RFFL: variants seen among roughly 807,000 people sequenced by gnomAD.
RFFL encodes the protein ring finger and FYVE like domain containing E3 ubiquitin protein ligase, also known as E3 ubiquitin-protein ligase rififylin.
Under a neutral mutation model 40.4 loss-of-function variants are expected in RFFL, and 16 were observed. The observed-to-expected ratio is 0.40, with a 90% confidence interval of 0.27 to 0.60. The LOEUF (loss-of-function observed/expected upper bound fraction) is 0.60, where lower values mean the gene tolerates loss of function less well. Among genes scored for constraint, RFFL ranks in the 20% least tolerant of loss-of-function variants. The pLI, the probability that RFFL is intolerant of heterozygous loss-of-function variation, is 0.47. For missense variants in RFFL, 367 were observed against 451.7 expected (o/e 0.81, Z 1.70); for synonymous variants, 154 against 167.9 (o/e 0.92, Z 0.64).
intron 2 of RFFL, among the ~76,000 whole-genome samples, chr17:35,023,763 T>C (rs2091024040): frequency 6.6e-6 from 1 of 152,206 alleles, no homozygotes; most frequent in Admixed American, 6.5e-5. Flanking sequence ...CAACTCTCTA[T>C]TCTTTCTTCA....
At chr17:35,032,094 CAAAAAAAAAAAA>C (rs11308568) in intron 1 of RFFL, among the ~76,000 whole-genome samples, 8 of 82,170 alleles carry the variant, frequency 9.7e-5, no homozygotes, top group Admixed American at 8.5e-4. Flanking sequence ...GACTCCGTCT[CAAAAAAAAAAAA>C]AAAAAGAAAA....
chr17:35,073,158 T>G (rs2091359702), intron 1 of RFFL, among the ~76,000 whole-genome samples: 1 of 152,216 alleles, frequency 6.6e-6, no homozygotes, highest in Non-Finnish European at 1.5e-5. Context: ...GTCTCTACTA[T>G]GCAGGAGAGA....
rs182833907 is a variant in RFFL at position 35,029,427 on chromosome 17, G to A, written c.-8-2866C>T. Among the ~76,000 whole-genome samples, 15 of 141,048 alleles carry A rather than the reference G, an allele frequency of 1.1e-4. No individual in the cohort carries two copies. The East Asian group carries it at 2.2e-3, about 21-fold the overall frequency. The allele number at this position is 141,048 out of a possible 152,430, so 92.5% of individuals were successfully genotyped here. On this transcript the variant is annotated intron_variant, in intron 1 of 6. Coordinates refer to ENST00000394597, the MANE Select transcript of RFFL (RefSeq NM_001017368.2). Reference sequence around the variant, plus strand: ...AGCATGATCTCGGCTCACTGAAACCGCCGCCTCCCAGGTTTAAGTGATTCT... The same window carrying A: ...AGCATGATCTCGGCTCACTGAAACCACCGCCTCCCAGGTTTAAGTGATTCT...
chr17:35,034,876 C>G (rs1271894790), intron 1 of RFFL, among the ~76,000 whole-genome samples: 1 of 152,086 alleles, frequency 6.6e-6, no homozygotes, highest in Non-Finnish European at 1.5e-5. Context: ...ACTGGAAACA[C>G]CAAAAGTGAT....
At chr17:35,032,260 G>A (rs1261285152) in intron 1 of RFFL, among the ~76,000 whole-genome samples, 1 of 151,954 alleles carries the variant, frequency 6.6e-6, no homozygotes, top group Admixed American at 6.6e-5. Flanking sequence ...GACACGATTA[G>A]GGCATTTTGT....
At chr17:35,039,572 C>CA (rs2091149273) in intron 1 of RFFL, among the ~76,000 whole-genome samples, 1 of 151,754 alleles carries the variant, frequency 6.6e-6, no homozygotes. Context: ...TAAAAAATAA[C>CA]AAAAAAATAA....
intron 1 of RFFL, among the ~76,000 whole-genome samples, chr17:35,047,017 C>T (rs2091203606): frequency 6.6e-6 from 1 of 152,204 alleles, no homozygotes; most frequent in Non-Finnish European, 1.5e-5. Context: ...CAGCAGGATC[C>T]TTCTTCCATC....
intron 1 of RFFL, among the ~76,000 whole-genome samples, chr17:35,036,867 G>A (rs552414240): frequency 6.6e-6 from 1 of 152,318 alleles, no homozygotes; most frequent in East Asian, 1.9e-4. Flanking sequence ...ATGATTTAAA[G>A]CAGATCAGTG....
intron 1 of RFFL, among the ~76,000 whole-genome samples, chr17:35,082,494 A>T (rs532307216): frequency 2.0e-5 from 3 of 152,334 alleles, no homozygotes; most frequent in Admixed American, 6.5e-5. Context: ...TCATTCTAAA[A>T]AATTGTTTAA....
At chr17:35,022,751 G>T (rs563610362) in intron 2 of RFFL, among the ~76,000 whole-genome samples, 3 of 152,268 alleles carry the variant, frequency 2.0e-5, no homozygotes, top group East Asian at 1.9e-4. Context: ...CTCCAGGAAG[G>T]CCCACTCAGA....
chr17:35,021,755 A>G lies in RFFL; in HGVS notation c.207T>C (p.Asn69=), dbSNP rs144746399. ...RKQTCLDCKK[N]FCMTCSSQVG... is the part of the protein sequence containing the mutation. ...CTTGGCTCGAACAGGTCATGCAAAA[A>G]TTTTTCTTACAGTCCAAGCAGGTCT... The change falls in exon 3 of 7, where the codon AAT becomes AAC. Residue 69 remains asparagine (N), a synonymous_variant. Coordinates refer to ENST00000394597, the MANE Select transcript of RFFL (RefSeq NM_001017368.2). 8 of 1,613,996 alleles carry G rather than the reference A, an allele frequency of 5.0e-6. No homozygotes were observed. Among genetic ancestry groups the G allele is most frequent in the South Asian group, 2.2e-5 (2 of 91,088 alleles).
intron 1 of RFFL, 78 bp downstream of exon 1, chr17:35,063,498 T>C (rs1006287350): frequency 6.8e-6 from 1 of 146,798 alleles, no homozygotes; most frequent in East Asian, 2.0e-4. Flanking sequence ...CCTGACTCAC[T>C]TCTGAAGACA....
At chr17:35,078,161 T>C (rs976307020) in intron 1 of RFFL, among the ~76,000 whole-genome samples, 1 of 152,206 alleles carries the variant, frequency 6.6e-6, no homozygotes, top group African/African-American at 2.4e-5. Context: ...GAATCTTTAT[T>C]TTTTACAAGC....
At chr17:35,059,488 A>C (rs2091280092) in intron 1 of RFFL, among the ~76,000 whole-genome samples, 3 of 152,182 alleles carry the variant, frequency 2.0e-5, no homozygotes, top group Admixed American at 2.0e-4. Flanking sequence ...TCCTTTCCTG[A>C]ATTACTAACC....
intron 1 of RFFL, among the ~76,000 whole-genome samples, chr17:35,033,230 AG>A (rs2091097068): frequency 6.6e-6 from 1 of 152,030 alleles, no homozygotes; most frequent in Admixed American, 6.5e-5. Context: ...AGGCTGGAGT[AG>A]AAAAAGAAGT....
intron 1 of RFFL, among the ~76,000 whole-genome samples, chr17:35,058,283 T>C (rs1468979174): frequency 6.6e-6 from 1 of 152,194 alleles, no homozygotes; most frequent in Non-Finnish European, 1.5e-5. Flanking sequence ...GTGTCTCTTA[T>C]GTGCCAACAC....
At chr17:35,034,362 G>T (rs1201437519) in intron 1 of RFFL, among the ~76,000 whole-genome samples, 2 of 151,780 alleles carry the variant, frequency 1.3e-5, no homozygotes, top group Non-Finnish European at 2.9e-5. Context: ...AAGGAAAGGG[G>T]AGATAGATTT....
intron 1 of RFFL, among the ~76,000 whole-genome samples, chr17:35,076,342 G>T (rs1159250970): frequency 6.6e-6 from 1 of 151,908 alleles, no homozygotes; most frequent in Non-Finnish European, 1.5e-5. Context: ...TGGGCACATT[G>T]CCTATAGGGT....
At chr17:35,058,702 C>G (rs1214639305) in intron 1 of RFFL, among the ~76,000 whole-genome samples, 5 of 152,094 alleles carry the variant, frequency 3.3e-5, no homozygotes, top group Non-Finnish European at 7.4e-5. Context: ...ACCCGGGAGG[C>G]AAAGGTTGCA....
Sources: allele counts gnomAD v4.1 joint callset (sites outside exome capture counted in the v4.1 genomes callset), GRCh38; gene constraint gnomAD v4.1.1; transcripts MANE v1.5; gene names NCBI Gene and HGNC (gene_info 2026-07-23, HGNC 2026-07-21).